The following RCAN2 variants were observed in gnomAD, a reference collection of about 807,000 sequenced individuals.
RCAN2 encodes regulator of calcineurin 2, also known as calcipressin-2.
In RCAN2, 9 loss-of-function variants were observed where a neutral mutation model predicts 23.6. That is an observed-to-expected ratio of 0.38 (90% confidence interval 0.23 to 0.67). The LOEUF (loss-of-function observed/expected upper bound fraction) is 0.67, where lower values mean the gene tolerates loss of function less well. RCAN2 is among the 30% of genes least tolerant of loss of function. RCAN2 has a pLI of 0.51. For missense variants in RCAN2, 273 were observed against 302.3 expected (o/e 0.90, Z 0.72); for synonymous variants, 109 against 115.7 (o/e 0.94, Z 0.37).
chr6:46,278,956 G>A lies in RCAN2; in HGVS notation c.226-30060C>T, dbSNP rs148880887. Reference sequence around the variant, plus strand: ...CAGAGACTCTCAATCTTGGCTATGCGTTGGAACCACCTAGGCCATACCAGA... The same window carrying A: ...CAGAGACTCTCAATCTTGGCTATGCATTGGAACCACCTAGGCCATACCAGA... On this transcript the variant is annotated intron_variant, in intron 2 of 4. Transcript: ENST00000371374. 5.3e-3 allele frequency among the ~76,000 whole-genome samples: 804 copies of A among 152,250 alleles called. 5 individuals carry two copies. Among genetic ancestry groups the A allele is most frequent in the African/African-American group, 0.018 (738 of 41,536 alleles).
intron 4 of RCAN2, among the ~76,000 whole-genome samples, chr6:46,231,984 A>C (rs1582009365): frequency 6.6e-6 from 1 of 152,210 alleles, no homozygotes; most frequent in African/African-American, 2.4e-5. Context: ...TCTGTATTTA[A>C]AGTCTAGAAG....
chr6:46,350,025 G>A (rs577526951), intron 2 of RCAN2, among the ~76,000 whole-genome samples: 1 of 152,208 alleles, frequency 6.6e-6, no homozygotes, highest in South Asian at 2.1e-4. Flanking sequence ...CTAACAACCT[G>A]CCTTATTTTT....
chr6:46,295,049 C>T (rs563810498), intron 2 of RCAN2, among the ~76,000 whole-genome samples: 1 of 152,010 alleles, frequency 6.6e-6, no homozygotes, highest in South Asian at 2.1e-4. Context: ...GAAAAGAAGG[C>T]TTCAAAGGAG....
intron 2 of RCAN2, among the ~76,000 whole-genome samples, chr6:46,365,582 C>T (rs143574779): frequency 3.0e-4 from 45 of 152,302 alleles, no homozygotes; most frequent in East Asian, 2.5e-3. Flanking sequence ...AGTTTGGAGA[C>T]GGCTGCTATA....
At chr6:46,440,751 C>A (rs1767516285) in intron 2 of RCAN2, among the ~76,000 whole-genome samples, 1 of 151,960 alleles carries the variant, frequency 6.6e-6, no homozygotes, top group Admixed American at 6.6e-5. Context: ...TCACATAATC[C>A]TCATAGTGAG....
rs1405462598 is a variant in RCAN2 at position 46,222,385 on chromosome 6, TCTATCA to T, written c.*750_*755del. 6.4e-6 allele frequency: 1 copy of T among 157,476 alleles called. No homozygotes were observed. Among genetic ancestry groups the T allele is most frequent in the East Asian group, 1.8e-4 (1 of 5,498 alleles). The allele number at this position is 157,476 out of a possible 1,614,324, so 9.8% of individuals were successfully genotyped here. A position where few individuals can be genotyped will look rare whatever the true frequency, so the allele number is the denominator to read the frequency against. ...TAAATAGGTTTGTCTGAAATCAGTC[TCTATCA>T]CCCTGGACAAGCCTCCCCAACGAGG... is the stretch of plus-strand genomic sequence containing the variant. On this transcript the variant is annotated 3_prime_UTR_variant, in exon 5 of 5. Transcript: ENST00000371374.
chr6:46,263,475 ATGTGTG>A (rs57316214), intron 2 of RCAN2, among the ~76,000 whole-genome samples: 2,013 of 138,634 alleles, frequency 0.015, 80 homozygotes, highest in African/African-American at 0.053. Flanking sequence ...GTGTGTGTGT[ATGTGTG>A]TGTGTGTGTG....
intron 2 of RCAN2, among the ~76,000 whole-genome samples, chr6:46,375,609 A>G (rs1478891991): frequency 3.3e-5 from 5 of 152,188 alleles, no homozygotes; most frequent in Non-Finnish European, 5.9e-5. Flanking sequence ...TTCCAGGAAA[A>G]CAATCCTCCA....
At chr6:46,260,913 T>C (rs1051932409) in intron 2 of RCAN2, among the ~76,000 whole-genome samples, 4 of 151,976 alleles carry the variant, frequency 2.6e-5, no homozygotes, top group Non-Finnish European at 5.9e-5. Flanking sequence ...TGCCAGAAAA[T>C]TGGGCTTCTG....
chr6:46,369,477 CA>C (rs1247478636), intron 2 of RCAN2, among the ~76,000 whole-genome samples: 2 of 152,170 alleles, frequency 1.3e-5, no homozygotes, highest in African/African-American at 4.8e-5. Context: ...AGCATCACCA[CA>C]AACGTGAGTA....
At position 46,266,844 on chromosome 6, in the gene RCAN2, T is replaced by A. The variant is rs186688901; in HGVS notation, c.226-17948A>T. Among the ~76,000 whole-genome samples, 11 of 152,268 alleles carry A rather than the reference T, an allele frequency of 7.2e-5. No individual in the cohort carries two copies. The East Asian group carries it at 2.1e-3, about 29-fold the overall frequency. ...AAGATGCAAAGCACAGAGCAGGGGA[T>A]GACATGCTCAAGGCCCCATCACCAG... On this transcript the variant is annotated intron_variant, in intron 2 of 4. Transcript: ENST00000371374.
At chr6:46,295,717 A>G (rs919287434) in intron 2 of RCAN2, among the ~76,000 whole-genome samples, 5 of 152,154 alleles carry the variant, frequency 3.3e-5, no homozygotes, top group Non-Finnish European at 5.9e-5. Context: ...TGGCATCAAA[A>G]GAGCATCAGT....
chr6:46,393,592 G>T (rs1156381853), intron 2 of RCAN2, among the ~76,000 whole-genome samples: 2 of 152,066 alleles, frequency 1.3e-5, no homozygotes, highest in South Asian at 2.1e-4. Flanking sequence ...TGTAATACTT[G>T]TACCCTGCCC....
chr6:46,335,840 G>T (rs1764123681), intron 2 of RCAN2, among the ~76,000 whole-genome samples: 1 of 152,098 alleles, frequency 6.6e-6, no homozygotes, highest in African/African-American at 2.4e-5. Flanking sequence ...GTTGAAATTT[G>T]GAATTTATCA....
intron 1 of RCAN2, among the ~76,000 whole-genome samples, chr6:46,467,959 G>A (rs545949633): frequency 6.6e-6 from 1 of 152,300 alleles, no homozygotes; most frequent in East Asian, 1.9e-4. Context: ...TGGCCCTGGA[G>A]TCTGAATCCT....
chr6:46,227,061 T>C (rs895030936), intron 4 of RCAN2, among the ~76,000 whole-genome samples: 35 of 152,340 alleles, frequency 2.3e-4, no homozygotes, highest in Admixed American at 2.3e-3. Flanking sequence ...GTTTTTGTCT[T>C]TGGTTCTATT....
chr6:46,457,023 T>C (rs915743703), intron 1 of RCAN2, 45 bp from the exon 2 acceptor site: 2 of 1,397,890 alleles, frequency 1.4e-6, no homozygotes, highest in African/African-American at 1.4e-5. Flanking sequence ...AACAAATTCC[T>C]TAAAACTCAG....
chr6:46,483,867 G>C (rs1413946241), intron 1 of RCAN2, among the ~76,000 whole-genome samples: 2 of 152,130 alleles, frequency 1.3e-5, no homozygotes, highest in Non-Finnish European at 2.9e-5. Context: ...CGAATTATTA[G>C]TTTTCACTTG....
intron 1 of RCAN2, among the ~76,000 whole-genome samples, chr6:46,490,539 T>A (rs184369596): frequency 1.3e-5 from 2 of 152,220 alleles, no homozygotes; most frequent in East Asian, 3.9e-4. Flanking sequence ...GCCTGTTCCC[T>A]CTGGTGACTT....
Sources: allele counts gnomAD v4.1 joint callset (sites outside exome capture counted in the v4.1 genomes callset), GRCh38; gene constraint gnomAD v4.1.1; transcripts MANE v1.5; gene names NCBI Gene and HGNC (gene_info 2026-07-23, HGNC 2026-07-21).